Variants in WWOX observed in about 807,000 individuals in gnomAD.
WWOX encodes WW domain containing oxidoreductase, also known as WW domain-containing oxidoreductase.
In WWOX, 69 loss-of-function variants were observed where a neutral mutation model predicts 46.2. The ratio of observed to expected loss-of-function variants is 1.49; its 90% confidence interval spans 1.23 to 1.82. The LOEUF (loss-of-function observed/expected upper bound fraction) is 1.82, where lower values mean the gene tolerates loss of function less well. Among genes scored for constraint, WWOX ranks in the 40% most tolerant of loss-of-function variants. The pLI, the probability that WWOX is intolerant of heterozygous loss-of-function variation, is 0.00. For synonymous variants in WWOX, 359 were observed against 202.6 expected (o/e 1.77, Z -6.56); for missense variants, 919 against 542.6 (o/e 1.69, Z -6.89).
At chr16:78,618,083 A>G (rs1315480855) in intron 8 of WWOX, among the ~76,000 whole-genome samples, 1 of 152,180 alleles carries the variant, frequency 6.6e-6, no homozygotes, top group Non-Finnish European at 1.5e-5. Context: ...CAAGCCTAAG[A>G]GGCCATGACT....
At chr16:78,886,356 A>G (rs1437911978) in intron 8 of WWOX, among the ~76,000 whole-genome samples, 3 of 150,478 alleles carry the variant, frequency 2.0e-5, no homozygotes, top group African/African-American at 7.3e-5. Flanking sequence ...ATTCTACTTT[A>G]TTTACTCAAT....
At chr16:78,808,286 G>A (rs7499973) in intron 8 of WWOX, among the ~76,000 whole-genome samples, 3 of 152,028 alleles carry the variant, frequency 2.0e-5, no homozygotes, top group Admixed American at 2.0e-4. Context: ...CTATGGATCC[G>A]TTTGCAACCC....
chr16:78,390,025 G>C (rs569159462), intron 6 of WWOX, among the ~76,000 whole-genome samples: 1 of 152,336 alleles, frequency 6.6e-6, no homozygotes, highest in South Asian at 2.1e-4. Flanking sequence ...GGAATTACAG[G>C]CGTGAGCCAC....
intron 8 of WWOX, among the ~76,000 whole-genome samples, chr16:78,594,877 TAGC>T (rs553919628): frequency 1.2e-3 from 189 of 152,332 alleles, no homozygotes; most frequent in African/African-American, 4.3e-3. Flanking sequence ...TTTATTTAAA[TAGC>T]AGCCTATGCA....
intron 8 of WWOX, among the ~76,000 whole-genome samples, chr16:78,743,522 T>C (rs58127727): frequency 0.031 from 4,655 of 152,244 alleles, 156 homozygotes; most frequent in African/African-American, 0.083. Context: ...AATCTAAGGC[T>C]GATTCACGTT....
chr16:78,736,997 G>C (rs2049107632), intron 8 of WWOX, among the ~76,000 whole-genome samples: 1 of 152,124 alleles, frequency 6.6e-6, no homozygotes, highest in Non-Finnish European at 1.5e-5. Flanking sequence ...AAGAGACTAG[G>C]TTTGCAGAGT....
intron 8 of WWOX, among the ~76,000 whole-genome samples, chr16:79,187,765 C>T (rs1314510544): frequency 6.6e-6 from 1 of 152,212 alleles, no homozygotes; most frequent in Admixed American, 6.5e-5. Flanking sequence ...TGGTCTCGAA[C>T]TCCTGGGCTC....
chr16:78,802,654 G>A (rs575961525), intron 8 of WWOX, among the ~76,000 whole-genome samples: 1 of 151,890 alleles, frequency 6.6e-6, no homozygotes, highest in Admixed American at 6.6e-5. Flanking sequence ...CGTGCCTCAT[G>A]CCTGTAATCC....
At chr16:78,102,675 A>G (rs2031875022) in intron 1 of WWOX, among the ~76,000 whole-genome samples, 1 of 152,138 alleles carries the variant, frequency 6.6e-6, no homozygotes, top group African/African-American at 2.4e-5. Flanking sequence ...ACCTTGTACT[A>G]GTCACCTTGT....
intron 8 of WWOX, among the ~76,000 whole-genome samples, chr16:78,664,806 T>C (rs960165216): frequency 6.6e-6 from 1 of 152,178 alleles, no homozygotes; most frequent in African/African-American, 2.4e-5. Context: ...GGAAAATAGA[T>C]TTCAAGGGGA....
intron 5 of WWOX, among the ~76,000 whole-genome samples, chr16:78,358,624 C>G (rs954725625): frequency 5.3e-5 from 8 of 152,046 alleles, no homozygotes; most frequent in African/African-American, 1.9e-4. Flanking sequence ...TTCTACTGCA[C>G]TCCAGCCTGA....
chr16:78,858,295 C>A (rs771519766), intron 8 of WWOX, among the ~76,000 whole-genome samples: 1 of 146,038 alleles, frequency 6.8e-6, no homozygotes, highest in Non-Finnish European at 1.5e-5. Context: ...ATCTGAGCAG[C>A]ATATGCTGTA....
chr16:78,161,929 A>T (rs2034809305), intron 4 of WWOX, among the ~76,000 whole-genome samples: 1 of 152,154 alleles, frequency 6.6e-6, no homozygotes, highest in Non-Finnish European at 1.5e-5. Context: ...AAGCATTGTT[A>T]TTATTATTGA....
intron 8 of WWOX, among the ~76,000 whole-genome samples, chr16:79,125,424 A>G (rs911089629): frequency 1.3e-5 from 2 of 152,356 alleles, no homozygotes; most frequent in Middle Eastern, 3.4e-3. Flanking sequence ...AAGAGAGTGC[A>G]TTATCTGAAG....
chr16:78,524,153 C>A (rs1177582404), intron 8 of WWOX, among the ~76,000 whole-genome samples: 2 of 152,016 alleles, frequency 1.3e-5, no homozygotes, highest in Non-Finnish European at 2.9e-5. Flanking sequence ...TGGGTTGATT[C>A]CCTTCTTTCT....
chr16:79,170,839 T>C (rs973295707), intron 8 of WWOX, among the ~76,000 whole-genome samples: 6 of 152,200 alleles, frequency 3.9e-5, no homozygotes, highest in African/African-American at 1.4e-4. Context: ...TTTCCAGGTT[T>C]GAGGGTGATA....
chr16:79,199,059 TTTTTA>T (rs771653409), intron 8 of WWOX, among the ~76,000 whole-genome samples: 19 of 152,104 alleles, frequency 1.2e-4, no homozygotes, highest in Middle Eastern at 3.4e-3. Flanking sequence ...GTCCCCGGTG[TTTTTA>T]TTTTATTTTA....
intron 8 of WWOX, among the ~76,000 whole-genome samples, chr16:78,718,089 G>GA (rs771727686): frequency 1.7e-5 from 1 of 57,356 alleles, no homozygotes; most frequent in Non-Finnish European, 3.3e-5. Context: ...AGGGGTTCTG[G>GA]TGGTTGTATT....
chr16:78,668,796 T>C (rs528793337), intron 8 of WWOX, among the ~76,000 whole-genome samples: 1 of 152,216 alleles, frequency 6.6e-6, no homozygotes, highest in East Asian at 1.9e-4. Context: ...GAATAGCAGG[T>C]ACAGCAGCTC....
Sources: allele counts gnomAD v4.1 joint callset (sites outside exome capture counted in the v4.1 genomes callset), GRCh38; gene constraint gnomAD v4.1.1; transcripts MANE v1.5; gene names NCBI Gene and HGNC (gene_info 2026-07-23, HGNC 2026-07-21).